RGL1: variants seen among roughly 807,000 people sequenced by gnomAD.
RGL1 encodes the protein ral guanine nucleotide dissociation stimulator like 1.
A neutral mutation model predicts 95.2 loss-of-function variants in RGL1; 24 were observed. The observed-to-expected ratio is 0.25, with a 90% CI of 0.18 to 0.35. The LOEUF is 0.35. Among genes scored for constraint, RGL1 ranks in the 10% least tolerant of loss-of-function variants. The pLI is 1.00. For missense variants in RGL1, 715 were observed against 936.3 expected, an observed-to-expected ratio of 0.76 and a Z score of 3.08; for synonymous variants, 329 against 344.9, an observed-to-expected ratio of 0.95 and a Z score of 0.51.
intron 16 of RGL1, among the ~76,000 whole-genome samples, chr1:183,918,833 C>T (rs999100791): frequency 2.0e-5 from 3 of 152,140 alleles, no homozygotes; most frequent in East Asian, 1.9e-4. Flanking sequence ...TCTGGAGAGA[C>T]GACACACTGC....
At chr1:183,765,116 A>G (rs1658897826) in intron 2 of RGL1, among the ~76,000 whole-genome samples, 1 of 152,184 alleles carries the variant, frequency 6.6e-6, no homozygotes, top group Non-Finnish European at 1.5e-5. Context: ...TCTACTTACC[A>G]CAGGCCAGGA....
chr1:183,799,404 G>A (rs1463791163), intron 2 of RGL1, among the ~76,000 whole-genome samples: 1 of 152,090 alleles, frequency 6.6e-6, no homozygotes, highest in East Asian at 1.9e-4. Context: ...TTCCATAGTG[G>A]CTGTACCAAT....
chr1:183,813,535 T>G (rs1661867630), intron 2 of RGL1, among the ~76,000 whole-genome samples: 1 of 152,254 alleles, frequency 6.6e-6, no homozygotes, highest in Non-Finnish European at 1.5e-5. Flanking sequence ...TTTTAAAGTC[T>G]TCTGTTTCCC....
chr1:183,707,708 C>T (rs374104543), intron 1 of RGL1, among the ~76,000 whole-genome samples: 9 of 151,390 alleles, frequency 5.9e-5, no homozygotes, highest in South Asian at 2.2e-4. Flanking sequence ...GAGGAGGGGA[C>T]GGTGTAGAAA....
At chr1:183,782,151 C>T (rs999034150) in intron 2 of RGL1, among the ~76,000 whole-genome samples, 5 of 152,086 alleles carry the variant, frequency 3.3e-5, no homozygotes, top group Admixed American at 6.6e-5. Context: ...GAGGATTGTC[C>T]ACCGATGGCA....
At chr1:183,790,275 C>T (rs550484348) in intron 2 of RGL1, among the ~76,000 whole-genome samples, 2 of 152,196 alleles carry the variant, frequency 1.3e-5, no homozygotes, top group Non-Finnish European at 2.9e-5. Flanking sequence ...ATGATGCCCT[C>T]GTTCCCATGG....
intron 1 of RGL1, among the ~76,000 whole-genome samples, chr1:183,718,346 G>A (rs1474779957): frequency 6.6e-6 from 1 of 152,088 alleles, no homozygotes. Flanking sequence ...ACATTTAAAG[G>A]AATGACATAA....
intron 2 of RGL1, among the ~76,000 whole-genome samples, chr1:183,810,284 A>AT (rs887812484): frequency 5.3e-5 from 8 of 152,020 alleles, no homozygotes; most frequent in Admixed American, 2.0e-4. Flanking sequence ...AAGTGAGGAT[A>AT]TTTTTTTTAC....
At chr1:183,846,565 C>CCAACAA (rs60194925) in intron 2 of RGL1, among the ~76,000 whole-genome samples, 3 of 151,678 alleles carry the variant, frequency 2.0e-5, no homozygotes, top group African/African-American at 7.3e-5. Context: ...ATAAAAAACT[C>CCAACAA]CAACAACAAC....
chr1:183,839,410 T>G (rs1663883708), intron 2 of RGL1, among the ~76,000 whole-genome samples: 1 of 152,168 alleles, frequency 6.6e-6, no homozygotes, highest in African/African-American at 2.4e-5. Context: ...ATTCTTTATT[T>G]TCCTTCATTT....
Position 183,660,353 on chromosome 1 carries a change from A to T in RGL1, c.-33+23852A>T, listed in dbSNP as rs182687416. ...ACACACAGAGGCTCAAAATAAAGGG[A>T]TGGAGAAAGATCTACCAAGCAAATG... On this transcript the variant is annotated intron_variant, in intron 1 of 18. Transcript: ENST00000304685. Among the ~76,000 whole-genome samples the T allele has an allele frequency of 1.8e-3, 273 of 152,108 alleles. 3 individuals are homozygous for T. The highest frequency in any genetic ancestry group is 0.016 in the Admixed American group (238 of 15,296).
At chr1:183,651,910 C>A (rs1558134291) in intron 1 of RGL1, among the ~76,000 whole-genome samples, 1 of 152,202 alleles carries the variant, frequency 6.6e-6, no homozygotes, top group Non-Finnish European at 1.5e-5. Flanking sequence ...GGATGGATCT[C>A]TCCATCAGAA....
At chr1:183,845,425 G>A (rs1262928414) in intron 2 of RGL1, among the ~76,000 whole-genome samples, 1 of 152,166 alleles carries the variant, frequency 6.6e-6, no homozygotes, top group Non-Finnish European at 1.5e-5. Context: ...ATTTTAAGCT[G>A]TGAAGATTTT....
At chr1:183,826,478 T>C (rs1326219376) in intron 2 of RGL1, among the ~76,000 whole-genome samples, 1 of 152,214 alleles carries the variant, frequency 6.6e-6, no homozygotes, top group African/African-American at 2.4e-5. Context: ...GGTTGTTTTT[T>C]TCCCCCTGCT....
At chr1:183,669,142 C>T (rs1652263847) in intron 1 of RGL1, among the ~76,000 whole-genome samples, 1 of 151,904 alleles carries the variant, frequency 6.6e-6, no homozygotes, top group Non-Finnish European at 1.5e-5. Flanking sequence ...TGGGGTTTCA[C>T]CATGTTGGCC....
chr1:183,669,651 A>G (rs151275483), intron 1 of RGL1, among the ~76,000 whole-genome samples: 2 of 152,332 alleles, frequency 1.3e-5, no homozygotes, highest in African/African-American at 4.8e-5. Context: ...ATGTAGTGGT[A>G]AGGTGTAGGA....
At chr1:183,757,016 TG>T (rs149489956) in intron 2 of RGL1, among the ~76,000 whole-genome samples, 1,289 of 91,918 alleles carry the variant, frequency 0.014, 6 homozygotes, top group African/African-American at 0.02. Context: ...TTGGGTGGTT[TG>T]TTTGTTTTTT....
chr1:183,720,138 A>G (rs1345322241), intron 1 of RGL1, among the ~76,000 whole-genome samples: 2 of 152,270 alleles, frequency 1.3e-5, no homozygotes, highest in Non-Finnish European at 2.9e-5. Context: ...TCATTAAGAT[A>G]CATAGCAGAA....
chr1:183,922,559 G>A (rs1051975380), intron 17 of RGL1, among the ~76,000 whole-genome samples: 1 of 152,176 alleles, frequency 6.6e-6, no homozygotes, highest in African/African-American at 2.4e-5. Context: ...TTTTTCCTGC[G>A]ATTTTGATGA....
Sources: gnomAD v4.1 joint callset for allele counts (sites outside exome capture counted in the v4.1 genomes callset) on GRCh38, gnomAD v4.1.1 for gene constraint, MANE v1.5 for transcripts, NCBI Gene and HGNC (gene_info 2026-07-23, HGNC 2026-07-21) for gene names.